RABGAP1L: variants seen among roughly 807,000 people sequenced by gnomAD.
RABGAP1L encodes the protein RAB GTPase activating protein 1 like.
A neutral mutation model predicts 137.7 loss-of-function variants in RABGAP1L; 63 were observed. The ratio of observed to expected loss-of-function variants is 0.46; its 90% confidence interval spans 0.37 to 0.56. The LOEUF is 0.56. RABGAP1L is among the 20% of genes least tolerant of loss of function. The pLI is 0.00. For synonymous variants in RABGAP1L, 431 were observed against 433.7 expected (o/e 0.99, Z 0.08); for missense variants, 1,095 against 1,244.0 (o/e 0.88, Z 1.80).
intron 21 of RABGAP1L, among the ~76,000 whole-genome samples, chr1:174,970,198 G>A (rs1160327572): frequency 2.0e-5 from 3 of 152,182 alleles, no homozygotes; most frequent in Non-Finnish European, 4.4e-5. Flanking sequence ...TATGTGACTA[G>A]GAGAGTCAGA....
chr1:174,324,821 A>C (rs1270699104), intron 11 of RABGAP1L, among the ~76,000 whole-genome samples: 1 of 152,200 alleles, frequency 6.6e-6, no homozygotes, highest in Non-Finnish European at 1.5e-5. Flanking sequence ...TCAAATAAAC[A>C]AGGAGGTTTA....
At chr1:174,550,857 A>AATATATATAT (rs1216100934) in intron 13 of RABGAP1L, among the ~76,000 whole-genome samples, 772 of 61,690 alleles carry the variant, frequency 0.013, 8 homozygotes, top group Middle Eastern at 0.024. Context: ...GTCTCTGCTA[A>AATATATATAT]ATATATATAT....
At chr1:174,864,002 C>T (rs79606393) in intron 19 of RABGAP1L, among the ~76,000 whole-genome samples, 3,281 of 152,254 alleles carry the variant, frequency 0.022, 51 homozygotes, top group Middle Eastern at 0.082. Flanking sequence ...TTTTCTAATT[C>T]ACTGGATACA....
intron 13 of RABGAP1L, among the ~76,000 whole-genome samples, chr1:174,444,284 T>C (rs1447015446): frequency 2.0e-5 from 3 of 152,064 alleles, no homozygotes; most frequent in Admixed American, 6.6e-5. Flanking sequence ...TTTAACAATA[T>C]TAATTCTTCC....
chr1:174,414,690 C>CT (rs934737831), intron 13 of RABGAP1L, among the ~76,000 whole-genome samples: 3 of 151,908 alleles, frequency 2.0e-5, no homozygotes, highest in African/African-American at 7.3e-5. Context: ...TGGTAGAAAA[C>CT]TTTAAGTTAT....
intron 18 of RABGAP1L, among the ~76,000 whole-genome samples, chr1:174,775,556 G>T (rs868682755): frequency 6.6e-6 from 1 of 151,968 alleles, no homozygotes; most frequent in Non-Finnish European, 1.5e-5. Flanking sequence ...CAGGAGATCC[G>T]CCCACCTTGG....
intron 19 of RABGAP1L, among the ~76,000 whole-genome samples, chr1:174,880,169 A>G (rs932577722): frequency 9.9e-5 from 15 of 152,258 alleles, no homozygotes; most frequent in South Asian, 2.1e-4. Flanking sequence ...TACATAATTT[A>G]TGTTTTTATA....
At chr1:174,422,343 G>A (rs1651415671) in intron 13 of RABGAP1L, among the ~76,000 whole-genome samples, 1 of 151,688 alleles carries the variant, frequency 6.6e-6, no homozygotes, top group African/African-American at 2.4e-5. Flanking sequence ...GGCTGCCTGT[G>A]CTAGATAATA....
At position 174,989,830 on chromosome 1, in the gene RABGAP1L, AT is replaced by A; in HGVS notation, c.3004-15del. ...AGAAAACATTTATTTAACTCAGATG[AT>A]TTTCTTGCTTTAATTAGGAACTTGA... is the stretch of plus-strand genomic sequence containing the variant. On this transcript the variant is annotated intron_variant, in intron 25 of 25. Coordinates refer to ENST00000681986, the MANE Select transcript of RABGAP1L (RefSeq NM_001366446.1). The A allele has an allele frequency of 6.5e-7, 1 of 1,546,486 alleles. No individual in the cohort carries two copies. Among genetic ancestry groups the A allele is most frequent in the South Asian group, 1.2e-5 (1 of 83,680 alleles).
chr1:174,238,276 G>A (rs1029909921), intron 4 of RABGAP1L, among the ~76,000 whole-genome samples: 1 of 152,192 alleles, frequency 6.6e-6, no homozygotes, highest in African/African-American at 2.4e-5. Flanking sequence ...CAGCTCGTCA[G>A]TCATTCTCCA....
At chr1:174,982,947 T>C (rs1311563248) in intron 24 of RABGAP1L, 42 bp downstream of exon 24, 1 of 1,540,032 alleles carries the variant, frequency 6.5e-7, no homozygotes, top group Non-Finnish European at 8.8e-7. Flanking sequence ...TATTTCAAAG[T>C]CACACAGGCT....
chr1:174,815,947 T>C (rs1269510181), intron 19 of RABGAP1L, among the ~76,000 whole-genome samples: 1 of 152,168 alleles, frequency 6.6e-6, no homozygotes, highest in Non-Finnish European at 1.5e-5. Context: ...AAGTGCCTAA[T>C]ATGAATATCC....
At position 174,868,266 on chromosome 1, in the gene RABGAP1L, T is replaced by TA. The variant is rs1651627720; in HGVS notation, c.2340+56306_2340+56307insA. Among the ~76,000 whole-genome samples the TA allele has an allele frequency of 4.6e-5, 7 of 152,318 alleles. No homozygotes were observed. The South Asian group carries it at 1.5e-3, about 32-fold the overall frequency. On this transcript the variant is annotated intron_variant, in intron 19 of 25. Transcript: ENST00000681986. ...GATTTCCATGGCACCCAGCCTAAAT[T>TA]GCTTAAACTCTTAGAGCAAGTATCT...
At chr1:174,413,081 T>C (rs1278152896) in intron 13 of RABGAP1L, among the ~76,000 whole-genome samples, 1 of 152,170 alleles carries the variant, frequency 6.6e-6, no homozygotes, top group African/African-American at 2.4e-5. Context: ...TTTTCTCCTT[T>C]CTCAGGAATG....
At chr1:174,406,349 A>G (rs975995518) in intron 13 of RABGAP1L, among the ~76,000 whole-genome samples, 1 of 152,116 alleles carries the variant, frequency 6.6e-6, no homozygotes, top group African/African-American at 2.4e-5. Flanking sequence ...TATCCTTCAA[A>G]TGTGTTTAAT....
At chr1:174,171,014 G>A (rs946583937) in intron 1 of RABGAP1L, among the ~76,000 whole-genome samples, 1 of 152,164 alleles carries the variant, frequency 6.6e-6, no homozygotes, top group African/African-American at 2.4e-5. Flanking sequence ...GACATATTTT[G>A]TGTGGGTTCA....
chr1:174,507,700 T>G (rs745780125), intron 13 of RABGAP1L, among the ~76,000 whole-genome samples: 2 of 151,910 alleles, frequency 1.3e-5, no homozygotes, highest in East Asian at 1.9e-4. Context: ...GAGAAAAAAA[T>G]TAAAGGAGTA....
chr1:174,600,925 G>A (rs1180109276), intron 13 of RABGAP1L, among the ~76,000 whole-genome samples: 3 of 152,148 alleles, frequency 2.0e-5, no homozygotes, highest in East Asian at 1.9e-4. Context: ...TTTCCCTTCC[G>A]CACTGCCCTA....
intron 15 of RABGAP1L, among the ~76,000 whole-genome samples, chr1:174,692,821 T>C (rs563747985): frequency 6.6e-6 from 1 of 152,294 alleles, no homozygotes. Context: ...ATGTTGTCTC[T>C]TAAATATATT....
Sources: allele counts gnomAD v4.1 joint callset (sites outside exome capture counted in the v4.1 genomes callset), GRCh38; gene constraint gnomAD v4.1.1; transcripts MANE v1.5; gene names NCBI Gene and HGNC (gene_info 2026-07-23, HGNC 2026-07-21).